The following PPP1R12B variants were observed in gnomAD, a reference collection of about 807,000 sequenced individuals.
PPP1R12B encodes protein phosphatase 1 regulatory subunit 12B.
In PPP1R12B, 76 loss-of-function variants were observed where a neutral mutation model predicts 126.1. The observed-to-expected ratio is 0.60, with a 90% CI of 0.50 to 0.73. PPP1R12B has a LOEUF of 0.73. Among genes scored for constraint, PPP1R12B ranks in the 30% least tolerant of loss-of-function variants. The pLI is 0.00. For synonymous variants in PPP1R12B, 356 were observed against 434.7 expected, an observed-to-expected ratio of 0.82 and a Z score of 2.25; for missense variants, 1,052 against 1,205.1, an observed-to-expected ratio of 0.87 and a Z score of 1.88.
At position 202,449,067 on chromosome 1, in the gene PPP1R12B, G is replaced by T. The variant is rs1273878639; in HGVS notation, c.1746G>T (p.Val582=). 1 of 1,613,900 alleles carries T rather than the reference G, an allele frequency of 6.2e-7. No homozygotes were observed. Residue 582 remains valine, a synonymous_variant, in exon 13 of 24, where the codon GTG becomes GTT. Coordinates refer to ENST00000608999, the MANE Select transcript of PPP1R12B (RefSeq NM_002481.4). ...TCTCTTCTAGCACCCCGCTCTGTGT[G>T]ATCACCAATCGCCCTCTTCCTAGCA... ...DNVSSSTPLC[V]ITNRPLPSTA... is the part of the protein sequence containing the mutation.
At chr1:202,539,651 T>A (rs1462829865) in intron 18 of PPP1R12B, among the ~76,000 whole-genome samples, 1 of 152,224 alleles carries the variant, frequency 6.6e-6, no homozygotes, top group Non-Finnish European at 1.5e-5. Flanking sequence ...AAAGACAGCA[T>A]GATTTCCACA....
At chr1:202,442,397 A>G (rs747736462) in intron 11 of PPP1R12B, 50 bp from the exon 12 acceptor site, 3 of 1,580,814 alleles carry the variant, frequency 1.9e-6, no homozygotes, top group South Asian at 1.2e-5. Context: ...ATCATGGACA[A>G]AAACTGGTGG....
At chr1:202,438,054 C>T (rs1191857601) in intron 10 of PPP1R12B, 30 bp downstream of exon 10, 1 of 1,604,824 alleles carries the variant, frequency 6.2e-7, no homozygotes, top group Non-Finnish European at 8.5e-7. Context: ...GGGGGAATTC[C>T]AAGGCAGTTT....
chr1:202,451,397 A>G (rs970345437), intron 13 of PPP1R12B, among the ~76,000 whole-genome samples: 94 of 147,752 alleles, frequency 6.4e-4, no homozygotes, highest in Non-Finnish European at 3.6e-4. Flanking sequence ...GCCTTCAAGC[A>G]TCTGTTTAAC....
chr1:202,453,896 G>T (rs1673310720), intron 13 of PPP1R12B, among the ~76,000 whole-genome samples: 2 of 151,822 alleles, frequency 1.3e-5, no homozygotes, highest in African/African-American at 2.4e-5. Flanking sequence ...TTCAAAATTG[G>T]TCTCCAGCCA....
chr1:202,368,392 C>T (rs982022922), intron 1 of PPP1R12B, among the ~76,000 whole-genome samples: 1 of 152,188 alleles, frequency 6.6e-6, no homozygotes, highest in African/African-American at 2.4e-5. Context: ...GAGGCCTCCC[C>T]AGGAGCCAAG....
chr1:202,542,958 A>G (rs529565772), intron 18 of PPP1R12B, among the ~76,000 whole-genome samples: 1 of 152,282 alleles, frequency 6.6e-6, no homozygotes, highest in African/African-American at 2.4e-5. Flanking sequence ...ACATTCTTCA[A>G]AACGGAGGAT....
chr1:202,419,473 T>C lies in PPP1R12B; in HGVS notation c.422+2556T>C, dbSNP rs1331412666. Among the ~76,000 whole-genome samples the C allele has an allele frequency of 6.6e-6, 1 of 152,208 alleles. No individual in the cohort carries two copies. The highest frequency in any genetic ancestry group is 1.5e-5 in the Non-Finnish European group (1 of 68,032). ...CTTCATAGGTTGATATTTATTCTTG[T>C]CCAGGTAAAAGTAAAACTAAAGAGG... On this transcript the variant is annotated intron_variant, in intron 2 of 23. Coordinates refer to ENST00000608999, the MANE Select transcript of PPP1R12B (RefSeq NM_002481.4). This position sits in a 1 kb window ranked among gnomAD's most constrained non-coding sequence, Gnocchi z 4.6.
chr1:202,439,672 T>C (rs2253826), intron 10 of PPP1R12B: 347,809 of 660,032 alleles, frequency 0.53, 94,363 homozygotes, highest in East Asian at 0.72. Context: ...CCGGCCCCCT[T>C]CTCCAAGTTG....
At chr1:202,390,644 G>A (rs570232815) in intron 1 of PPP1R12B, among the ~76,000 whole-genome samples, 4 of 150,242 alleles carry the variant, frequency 2.7e-5, no homozygotes, top group Non-Finnish European at 4.4e-5. Context: ...GACTGCAGGT[G>A]TGTGACATCA....
chr1:202,442,902 T>C (rs1671807096), intron 12 of PPP1R12B, among the ~76,000 whole-genome samples: 1 of 149,372 alleles, frequency 6.7e-6, no homozygotes, highest in South Asian at 2.2e-4. Flanking sequence ...TGGTTCTCCT[T>C]ATCTGAAACA....
chr1:202,495,654 G>T lies in PPP1R12B; in HGVS notation c.2420G>T (p.Gly807Val), dbSNP rs764526389. 1.2e-6 allele frequency: 2 copies of T among 1,614,082 alleles called. No individual in the cohort carries two copies. The highest frequency in any genetic ancestry group is 2.2e-5 in the South Asian group (2 of 91,074). Residue 807 changes from glycine (G) to valine (V), a missense_variant, in exon 17 of 24, where the codon GGC becomes GTC. Gly to Val is a moderately radical substitution (Grantham distance 109). Coordinates refer to ENST00000608999, the MANE Select transcript of PPP1R12B (RefSeq NM_002481.4). ...ERRRPKERRR[G>V]TGINFWTKDE... Reference sequence around the variant, plus strand: ...AGGCGGCCCAAGGAACGACGAAGAGGCACAGGCATCAATTTCTGGACAAAG... The same window carrying T: ...AGGCGGCCCAAGGAACGACGAAGAGTCACAGGCATCAATTTCTGGACAAAG...
At chr1:202,453,861 AG>A (rs1246259859) in intron 13 of PPP1R12B, among the ~76,000 whole-genome samples, 1 of 152,110 alleles carries the variant, frequency 6.6e-6, no homozygotes, top group South Asian at 2.1e-4. Flanking sequence ...CTGGGCTAAC[AG>A]GTTTCAGAGC....
At chr1:202,358,959 T>C (rs1392362984) in intron 1 of PPP1R12B, among the ~76,000 whole-genome samples, 1 of 152,180 alleles carries the variant, frequency 6.6e-6, no homozygotes, top group Admixed American at 6.5e-5. Context: ...CTGTATTAAT[T>C]ATTGGTCTAG....
At chr1:202,352,857 C>T (rs1158623176) in intron 1 of PPP1R12B, among the ~76,000 whole-genome samples, 1 of 150,796 alleles carries the variant, frequency 6.6e-6, no homozygotes, top group African/African-American at 2.4e-5. Context: ...CACTGCACTC[C>T]AGCCTGGGTA....
chr1:202,442,664 C>G, intron 12 of PPP1R12B, 92 bp downstream of exon 12: 1 of 1,295,704 alleles, frequency 7.7e-7, no homozygotes, highest in South Asian at 1.9e-5. Context: ...CCAATTAACA[C>G]CGCAGAAATG....
chr1:202,446,258 T>A (rs867144598), intron 12 of PPP1R12B, among the ~76,000 whole-genome samples: 216 of 106,942 alleles, frequency 2.0e-3, no homozygotes, highest in Non-Finnish European at 2.9e-3. Context: ...ATATATATAT[T>A]TTTTTTTTTT....
chr1:202,438,818 C>CA, intron 10 of PPP1R12B: 2 of 865,284 alleles, frequency 2.3e-6, no homozygotes, highest in Non-Finnish European at 4.0e-6. Flanking sequence ...GTGTCTAACT[C>CA]ACGGACGTGG....
intron 1 of PPP1R12B, among the ~76,000 whole-genome samples, chr1:202,385,536 G>A (rs1662976790): frequency 6.6e-6 from 1 of 152,054 alleles, no homozygotes; most frequent in South Asian, 2.1e-4. Context: ...GAGTTTTTTA[G>A]GGTATTAAAA....
Sources: allele counts gnomAD v4.1 joint callset (sites outside exome capture counted in the v4.1 genomes callset), GRCh38; gene constraint gnomAD v4.1.1; non-coding constraint Gnocchi (gnomAD v3.1); transcripts MANE v1.5; gene names NCBI Gene and HGNC (gene_info 2026-07-23, HGNC 2026-07-21).